MDGA2: variants seen among roughly 807,000 people sequenced by gnomAD.
MDGA2 encodes MAM domain containing glycosylphosphatidylinositol anchor 2.
In MDGA2, 40 loss-of-function variants were observed where a neutral mutation model predicts 117.8. That is an observed-to-expected ratio of 0.34 (90% confidence interval 0.26 to 0.44). The LOEUF is 0.44. MDGA2 is among the 20% of genes least tolerant of loss of function. The pLI is 1.00. For synonymous variants in MDGA2, 452 were observed against 439.0 expected (o/e 1.03, Z -0.37); for missense variants, 1,123 against 1,250.6 (o/e 0.90, Z 1.54).
At chr14:47,066,160 C>A (rs762182159) in intron 6 of MDGA2, among the ~76,000 whole-genome samples, 9 of 152,178 alleles carry the variant, frequency 5.9e-5, no homozygotes, top group African/African-American at 2.2e-4. Context: ...AGGAACCTAT[C>A]TTTCTCCTCA....
At chr14:47,318,809 A>AGAAGGAAG (rs889892249) in intron 1 of MDGA2, among the ~76,000 whole-genome samples, 7 of 91,750 alleles carry the variant, frequency 7.6e-5, no homozygotes, top group African/African-American at 1.0e-4. Context: ...AAGGGAGGAA[A>AGAAGGAAG]GAAGGAAGGA....
At chr14:47,225,245 T>A (rs1214987261) in intron 2 of MDGA2, among the ~76,000 whole-genome samples, 2 of 152,014 alleles carry the variant, frequency 1.3e-5, no homozygotes, top group Non-Finnish European at 2.9e-5. Context: ...ATTGTGGAAG[T>A]CAGTGTGGCG....
At chr14:47,609,427 T>TCA (rs1555336013) in intron 1 of MDGA2, among the ~76,000 whole-genome samples, 49 of 6,936 alleles carry the variant, frequency 7.1e-3, no homozygotes, top group Non-Finnish European at 0.018. Context: ...TAGTATTCCA[T>TCA]CATATATATA....
intron 3 of MDGA2, among the ~76,000 whole-genome samples, chr14:47,177,349 C>T (rs1013441989): frequency 2.6e-5 from 4 of 152,140 alleles, no homozygotes; most frequent in Admixed American, 6.5e-5. Flanking sequence ...GACACATGCA[C>T]ACGTATGTTT....
intron 6 of MDGA2, among the ~76,000 whole-genome samples, chr14:47,096,383 C>A (rs1024851698): frequency 1.3e-5 from 2 of 152,094 alleles, no homozygotes; most frequent in South Asian, 4.1e-4. Flanking sequence ...CACTATCTGA[C>A]AGTGGAATCC....
chr14:47,059,244 G>T, intron 7 of MDGA2: 1 of 1,031,814 alleles, frequency 9.7e-7, no homozygotes, highest in Non-Finnish European at 1.3e-6. Context: ...AGCAATGAGT[G>T]ATGCAGACAA....
chr14:47,053,744 C>T (rs1218535252), intron 7 of MDGA2, among the ~76,000 whole-genome samples: 1 of 150,160 alleles, frequency 6.7e-6, no homozygotes, highest in Non-Finnish European at 1.5e-5. Context: ...ACACAGAAGT[C>T]CTATGTATAC....
intron 1 of MDGA2, among the ~76,000 whole-genome samples, chr14:47,403,272 C>T (rs1892192886): frequency 6.6e-6 from 1 of 152,168 alleles, no homozygotes; most frequent in African/African-American, 2.4e-5. Context: ...AAATTAACAT[C>T]TTTGCTGCAT....
chr14:47,529,273 A>G (rs187292183), intron 1 of MDGA2, among the ~76,000 whole-genome samples: 162 of 152,296 alleles, frequency 1.1e-3, no homozygotes, highest in Non-Finnish European at 1.2e-3. Context: ...ACTTCTATAA[A>G]TCATAGACAG....
Position 46,906,645 on chromosome 14 carries a change from C to A in MDGA2, c.2238+13367G>T, listed in dbSNP as rs75349470. Among the ~76,000 whole-genome samples the A allele has an allele frequency of 7.4e-3, 1,130 of 152,208 alleles. 11 individuals are homozygous for A. The highest frequency in any genetic ancestry group is 0.02 in the Middle Eastern group (6 of 294). ...GCCATCTGTTAGCTAGAACTTTACA[C>A]TTTATAACTGTCTAACAATAGGTTA... On this transcript the variant is annotated intron_variant, in intron 10 of 16. Transcript: ENST00000399232.
chr14:47,112,725 A>C (rs898988047), intron 5 of MDGA2, among the ~76,000 whole-genome samples: 14 of 152,194 alleles, frequency 9.2e-5, no homozygotes, highest in Non-Finnish European at 1.2e-4. Context: ...TCTTTATAAT[A>C]GAATGATTTA....
chr14:46,905,489 G>A (rs1030889493), intron 10 of MDGA2, among the ~76,000 whole-genome samples: 1 of 152,052 alleles, frequency 6.6e-6, no homozygotes, highest in African/African-American at 2.4e-5. Flanking sequence ...CCAATTTGTG[G>A]TATTATGCAT....
intron 2 of MDGA2, among the ~76,000 whole-genome samples, chr14:47,222,642 T>C (rs1018104506): frequency 3.3e-5 from 5 of 152,146 alleles, no homozygotes; most frequent in Non-Finnish European, 7.3e-5. Context: ...CACAAGGTAA[T>C]TTTTTTCTTA....
intron 2 of MDGA2, among the ~76,000 whole-genome samples, chr14:47,269,873 T>A (rs1259430983): frequency 6.6e-6 from 1 of 152,146 alleles, no homozygotes; most frequent in African/African-American, 2.4e-5. Flanking sequence ...AAGAGACTGA[T>A]GAAATAAAGT....
intron 8 of MDGA2, among the ~76,000 whole-genome samples, chr14:47,019,793 G>T (rs968197153): frequency 6.7e-6 from 1 of 148,310 alleles, no homozygotes; most frequent in East Asian, 2.0e-4. Context: ...GCAGTGAGCC[G>T]AGATTGCACC....
chr14:47,159,991 C>A (rs918163961), intron 3 of MDGA2, among the ~76,000 whole-genome samples: 1 of 152,036 alleles, frequency 6.6e-6, no homozygotes, highest in Non-Finnish European at 1.5e-5. Context: ...GGCTAGTTTT[C>A]CCCTAGATTG....
intron 6 of MDGA2, among the ~76,000 whole-genome samples, chr14:47,062,736 C>T (rs1889936432): frequency 6.6e-6 from 1 of 151,970 alleles, no homozygotes; most frequent in African/African-American, 2.4e-5. Flanking sequence ...TTAGTTTAAC[C>T]ATATTTTTGT....
chr14:47,104,850 C>G (rs1219420678), intron 5 of MDGA2, among the ~76,000 whole-genome samples: 1 of 152,094 alleles, frequency 6.6e-6, no homozygotes, highest in Non-Finnish European at 1.5e-5. Context: ...TCTTTTTACT[C>G]TCTTCTCCAA....
At chr14:47,544,693 A>T (rs1280882601) in intron 1 of MDGA2, among the ~76,000 whole-genome samples, 2 of 152,132 alleles carry the variant, frequency 1.3e-5, no homozygotes, top group East Asian at 3.9e-4. Flanking sequence ...GGCTGTGAGG[A>T]CTCTGTCTTC....
Sources: gnomAD v4.1 joint callset for allele counts (sites outside exome capture counted in the v4.1 genomes callset) on GRCh38, gnomAD v4.1.1 for gene constraint, MANE v1.5 for transcripts, NCBI Gene and HGNC (gene_info 2026-07-23, HGNC 2026-07-21) for gene names.